Variants in AKAP12 observed in about 807,000 individuals in gnomAD.
AKAP12 encodes A-kinase anchoring protein 12.
In AKAP12, 32 loss-of-function variants were observed where a neutral mutation model predicts 79.9. The ratio of observed to expected loss-of-function variants is 0.40; its 90% CI spans 0.30 to 0.54. The LOEUF is 0.54. Ranked by LOEUF, AKAP12 falls within the 20% of genes least tolerant of loss-of-function variation. The pLI is 0.48. For synonymous variants in AKAP12, 808 were observed against 857.0 expected (o/e 0.94, Z 1.00); for missense variants, 2,074 against 2,177.0 (o/e 0.95, Z 0.94).
chr6:151,325,085 C>T (rs1368828108), intron 3 of AKAP12: 2 of 985,294 alleles, frequency 2.0e-6, no homozygotes, highest in African/African-American at 1.7e-5. Flanking sequence ...TTAGAAGGAA[C>T]AAGTTCACTT....
chr6:151,353,750 C>A lies in AKAP12; in HGVS notation c.*10C>A. ...ACTTACAGAATCTTAAAACATCATG[C>A]AGGTAAGCTTCCTTGTCTTCTAAGA... is the stretch of plus-strand genomic sequence containing the variant. On this transcript the variant is annotated splice_region_variant and 3_prime_UTR_variant, in exon 4 of 5. Coordinates refer to ENST00000402676, the MANE Select transcript of AKAP12 (RefSeq NM_005100.4). 1 of 1,541,902 alleles carries A rather than the reference C, an allele frequency of 6.5e-7. No homozygotes were observed. Among genetic ancestry groups the A allele is most frequent in the Non-Finnish European group, 8.7e-7 (1 of 1,145,686 alleles).
intron 2 of AKAP12, among the ~76,000 whole-genome samples, chr6:151,302,473 A>G (rs1286874477): frequency 6.6e-6 from 1 of 152,122 alleles, no homozygotes; most frequent in Non-Finnish European, 1.5e-5. Context: ...ACATTTCTAA[A>G]AGAGTAGACG....
In AKAP12 at chr6:151,358,380, T is replaced by A. The variant is rs890723892; in HGVS notation, c.*2666T>A. 6 of 152,238 alleles carry A rather than the reference T, an allele frequency of 3.9e-5. No individual in the cohort carries two copies. The highest frequency in any genetic ancestry group is 1.4e-4 in the African/African-American group (6 of 41,460). 9.4% of individuals were successfully genotyped at this position (152,238 alleles called of 1,614,324 possible). A position where few individuals can be genotyped will look rare whatever the true frequency, so the allele number is the denominator to read the frequency against. Reference sequence around the variant, plus strand: ...AGATAAATTGTTCCAATATTTTCCTTTGATGTTTGGAACTACAGATAGTCA... The same window carrying A: ...AGATAAATTGTTCCAATATTTTCCTATGATGTTTGGAACTACAGATAGTCA... On this transcript the variant is annotated 3_prime_UTR_variant, in exon 5 of 5. Transcript: ENST00000402676.
At chr6:151,297,018 G>GTTTTT (rs1402247942) in intron 2 of AKAP12, among the ~76,000 whole-genome samples, 1 of 108,078 alleles carries the variant, frequency 9.3e-6, no homozygotes, top group African/African-American at 3.8e-5. Context: ...GAAATAAAAG[G>GTTTTT]GTTTTTTTTT....
chr6:151,290,165 A>G (rs771136354), intron 2 of AKAP12, among the ~76,000 whole-genome samples: 6 of 152,168 alleles, frequency 3.9e-5, no homozygotes, highest in Non-Finnish European at 5.9e-5. Flanking sequence ...ATTAATGCTT[A>G]TAGGGACTAG....
Position 151,253,388 on chromosome 6 carries a change from A to AT in AKAP12, c.162+12673dup, listed in dbSNP as rs1216763637. Among the ~76,000 whole-genome samples, 6 of 151,344 alleles carry AT rather than the reference A, an allele frequency of 4.0e-5. No homozygotes were observed. The East Asian group carries it at 1.2e-3, about 29-fold the overall frequency. On this transcript the variant is annotated intron_variant, in intron 2 of 4. Coordinates refer to ENST00000402676, the MANE Select transcript of AKAP12 (RefSeq NM_005100.4). ...ATGTAAAAGTCTTTTGTTCGTTTTA[A>AT]TTTTTTTTTCTTTTAAAATAAAAAG...
chr6:151,319,520 CTATATAGATATATA>C (rs1233159682), intron 3 of AKAP12: 4 of 84,288 alleles, frequency 4.7e-5, no homozygotes, highest in Non-Finnish European at 8.8e-5. Flanking sequence ...AGATATATCT[CTATATAGATATATA>C]TATATAGATA....
chr6:151,317,547 A>T (rs981567651), intron 3 of AKAP12, among the ~76,000 whole-genome samples: 5 of 152,236 alleles, frequency 3.3e-5, no homozygotes, highest in African/African-American at 1.2e-4. Flanking sequence ...CAATTTCAGT[A>T]TCCCCAGTTT....
At chr6:151,289,524 G>C (rs6903503) in intron 2 of AKAP12, among the ~76,000 whole-genome samples, 2,558 of 152,276 alleles carry the variant, frequency 0.017, 89 homozygotes, top group African/African-American at 0.059. Flanking sequence ...GGTTTCCATA[G>C]GGCTTTGCCT....
intron 3 of AKAP12, among the ~76,000 whole-genome samples, chr6:151,333,671 A>T (rs941199642): frequency 9.5e-5 from 14 of 146,702 alleles, no homozygotes; most frequent in African/African-American, 3.3e-4. Flanking sequence ...TGAACCCGGG[A>T]GGTGGAGGCT....
rs2114668855 is a variant in AKAP12, at chr6:151,240,460, C to T, written c.-103C>T. 7.9e-7 allele frequency: 1 copy of T among 1,259,998 alleles called. No individual in the cohort carries two copies. The highest frequency in any genetic ancestry group is 1.0e-6 in the Non-Finnish European group (1 of 990,744). The allele number at this position is 1,259,998 out of a possible 1,614,324, so 78.1% of individuals were successfully genotyped here. ...TCGGCTGGCGGCGAAGGAAGGCGCTCTCGGGACCTCGCGGGCGCGCGTCTT... is the reference window on the plus strand; with the variant it reads ...TCGGCTGGCGGCGAAGGAAGGCGCTTTCGGGACCTCGCGGGCGCGCGTCTT... On this transcript the variant is annotated 5_prime_UTR_variant, in exon 2 of 5. Coordinates refer to ENST00000402676, the MANE Select transcript of AKAP12 (RefSeq NM_005100.4).
intron 2 of AKAP12, among the ~76,000 whole-genome samples, chr6:151,304,595 C>T (rs535438821): frequency 8.3e-5 from 12 of 143,962 alleles, no homozygotes; most frequent in East Asian, 2.2e-4. Context: ...TTGTTTTTCT[C>T]GCTCCGTCAC....
intron 3 of AKAP12, among the ~76,000 whole-genome samples, chr6:151,314,150 C>G (rs374594357): frequency 4.0e-5 from 6 of 151,618 alleles, no homozygotes; most frequent in African/African-American, 1.5e-4. Context: ...GCCTCAGGCT[C>G]CTGAGTAGCT....
rs765169068 is a variant in AKAP12 at position 151,351,311 on chromosome 6, G to A, written c.2920G>A (p.Glu974Lys). 4.2e-5 allele frequency: 67 copies of A among 1,614,076 alleles called. No individual in the cohort carries two copies. The highest frequency in any genetic ancestry group is 5.1e-5 in the Non-Finnish European group (60 of 1,180,048). The change falls in exon 4 of 5, where the codon GAA becomes AAA. Residue 974 changes from glutamate (E) to lysine (K), a missense_variant. By Grantham distance (56) the Glu-to-Lys change is moderately conservative (BLOSUM62 1). Transcript: ENST00000402676. The surrounding 1 kb of genome is among the most constrained non-coding windows in gnomAD (Gnocchi z 4.4). ...TVVSEAELTP[E>K]AVTAAETAGP... ...CGTTAGTGAGGCGGAATTGACCCCC[G>A]AAGCTGTGACAGCTGCAGAAACTGC...
chr6:151,252,732 G>GGAAA (rs1357356762), intron 2 of AKAP12, among the ~76,000 whole-genome samples: 12,825 of 95,870 alleles, frequency 0.13, 725 homozygotes, highest in Non-Finnish European at 0.15. Flanking sequence ...CTGTCTCTGG[G>GGAAA]AAAAAAAAAA....
Position 151,357,600 on chromosome 6 carries a change from T to A in AKAP12, c.*1886T>A, listed in dbSNP as rs935949098. ...GATAGCAGTGTATATATAGTCTTGT[T>A]TGTAGTTGGAAGTCATCTTTTAGGA... On this transcript the variant is annotated 3_prime_UTR_variant, in exon 5 of 5. Transcript: ENST00000402676. The A allele has an allele frequency of 6.6e-6, 1 of 152,120 alleles. No individual in the cohort carries two copies. Among genetic ancestry groups the A allele is most frequent in the Admixed American group, 6.5e-5 (1 of 15,276 alleles). 9.4% of individuals were successfully genotyped at this position (152,120 alleles called of 1,614,324 possible).
intron 3 of AKAP12, among the ~76,000 whole-genome samples, chr6:151,339,003 C>G (rs946084540): frequency 6.6e-6 from 1 of 152,120 alleles, no homozygotes; most frequent in Non-Finnish European, 1.5e-5. Context: ...ATGCTCGGGC[C>G]GATCTTTTGA....
intron 3 of AKAP12, chr6:151,348,475 C>T (rs1048699624): frequency 1.7e-6 from 1 of 585,754 alleles, no homozygotes; most frequent in Non-Finnish European, 3.1e-6. Context: ...CTCATCTCTA[C>T]AGAAAATAAA....
intron 2 of AKAP12, among the ~76,000 whole-genome samples, chr6:151,252,214 T>TC (rs1797192515): frequency 6.6e-6 from 1 of 151,476 alleles, no homozygotes; most frequent in African/African-American, 2.4e-5. Flanking sequence ...TTTTTTTTTT[T>TC]CTGAGATGGA....
Sources: allele counts gnomAD v4.1 joint callset (sites outside exome capture counted in the v4.1 genomes callset), GRCh38; gene constraint gnomAD v4.1.1; non-coding constraint Gnocchi (gnomAD v3.1); transcripts MANE v1.5; gene names NCBI Gene and HGNC (gene_info 2026-07-23, HGNC 2026-07-21).